The following RIMS4 variants were observed in gnomAD, a reference collection of about 807,000 sequenced individuals.
RIMS4 encodes the protein regulating synaptic membrane exocytosis protein 4.
A neutral mutation model predicts 29.0 loss-of-function variants in RIMS4; 9 were observed. The observed-to-expected ratio is 0.31, with a 90% CI of 0.19 to 0.54. The LOEUF (loss-of-function observed/expected upper bound fraction) is 0.54. Among genes scored for constraint, RIMS4 ranks in the 20% least tolerant of loss-of-function variants. The pLI, the probability that RIMS4 is intolerant of heterozygous loss-of-function variation, is 0.94. For synonymous variants in RIMS4, 130 were observed against 152.9 expected, an observed-to-expected ratio of 0.85 and a Z score of 1.10; for missense variants, 193 against 365.7, an observed-to-expected ratio of 0.53 and a Z score of 3.85.
intron 1 of RIMS4, among the ~76,000 whole-genome samples, chr20:44,797,199 C>G (rs571959574): frequency 6.6e-6 from 1 of 152,228 alleles, no homozygotes; most frequent in Non-Finnish European, 1.5e-5. Context: ...CTATGGGCCT[C>G]GGACTAAATC....
rs765255524 is a variant in RIMS4, at chr20:44,771,412, C to T, written c.99G>A (p.Gly33=). The part of the protein sequence containing the change: ...CMNSFDDEDA[G]DSRRLKGAIQ... The stretch of plus-strand genomic sequence containing the variant: ...TGGCCCCCTTCAGCCTCCGGCTGTC[C>T]CCTTCTGGGCAAAGCGGCCAAGAGA... The change falls in exon 2 of 6, where the codon GGG becomes GGA. Residue 33 remains glycine (G), a splice_region_variant and synonymous_variant. Transcript: ENST00000372851. 2.5e-6 allele frequency: 4 copies of T among 1,609,778 alleles called. No homozygotes were observed. Among genetic ancestry groups the T allele is most frequent in the Non-Finnish European group, 1.7e-6 (2 of 1,177,290 alleles).
intron 2 of RIMS4, among the ~76,000 whole-genome samples, chr20:44,764,005 T>C (rs2066097491): frequency 6.6e-6 from 1 of 151,086 alleles, no homozygotes; most frequent in Non-Finnish European, 1.5e-5. Flanking sequence ...CATCCATCCA[T>C]CCATTTATCC....
chr20:44,760,946 C>A (rs1206978230), intron 2 of RIMS4, among the ~76,000 whole-genome samples: 1 of 152,050 alleles, frequency 6.6e-6, no homozygotes, highest in Non-Finnish European at 1.5e-5. Context: ...GGCGGCAATA[C>A]AAAATAGTGT....
At chr20:44,765,456 G>C (rs891939734) in intron 2 of RIMS4, among the ~76,000 whole-genome samples, 3 of 152,136 alleles carry the variant, frequency 2.0e-5, no homozygotes, top group Non-Finnish European at 4.4e-5. Flanking sequence ...TGAGATAAAC[G>C]CCTTAGAACA....
At chr20:44,776,575 G>A (rs767475441) in intron 1 of RIMS4, among the ~76,000 whole-genome samples, 1 of 152,136 alleles carries the variant, frequency 6.6e-6, no homozygotes. Context: ...CAGGCACTCT[G>A]TACTTCAGTT....
In RIMS4 at chr20:44,770,904, T is replaced by C. The variant is rs569781997; in HGVS notation, c.236+371A>G. ...GCACTTAGTGCCAAACACTGCTTTA[T>C]GCTGTGTATAAATATCACCCCTGCA... On this transcript the variant is annotated intron_variant, in intron 2 of 5. Coordinates refer to ENST00000372851, the MANE Select transcript of RIMS4 (RefSeq NM_182970.4). 4.6e-5 allele frequency among the ~76,000 whole-genome samples: 7 copies of C among 152,374 alleles called. No individual in the cohort carries two copies. In the South Asian group the frequency reaches 1.4e-3, roughly 32 times the overall value.
intron 1 of RIMS4, among the ~76,000 whole-genome samples, chr20:44,790,714 C>T (rs779177818): frequency 2.0e-5 from 3 of 152,118 alleles, no homozygotes; most frequent in Non-Finnish European, 2.9e-5. Context: ...AGAAAGCAGC[C>T]GCTGCAGGAA....
chr20:44,762,979 G>A (rs1156561147), intron 2 of RIMS4, among the ~76,000 whole-genome samples: 1 of 152,212 alleles, frequency 6.6e-6, no homozygotes, highest in African/African-American at 2.4e-5. Context: ...GTTGGCCAGT[G>A]CCTGTGCTGT....
intron 1 of RIMS4, among the ~76,000 whole-genome samples, chr20:44,800,474 T>C (rs544165457): frequency 6.6e-6 from 1 of 152,132 alleles, no homozygotes; most frequent in Admixed American, 6.5e-5. Context: ...CCCCGGATAT[T>C]TTTCATGTGT....
At position 44,755,967 on chromosome 20, in the gene RIMS4, A is replaced by G; in HGVS notation, c.*167T>C. 1.7e-6 allele frequency: 1 copy of G among 598,332 alleles called. No homozygotes were observed. Among genetic ancestry groups the G allele is most frequent in the East Asian group, 2.8e-5 (1 of 36,354 alleles). The allele number at this position is 598,332 out of a possible 1,614,324, so 37.1% of individuals were successfully genotyped here. A position where few individuals can be genotyped will look rare whatever the true frequency, so the allele number is the denominator to read the frequency against. On this transcript the variant is annotated 3_prime_UTR_variant, in exon 6 of 6. Transcript: ENST00000372851. The stretch of plus-strand genomic sequence containing the variant: ...AGGGGAGGTCTCGGGGGTAGGAGGC[A>G]AAGAAGGGGTGAGGAGGGGCCCAAG...
chr20:44,801,970 C>T (rs1568907841), intron 1 of RIMS4, among the ~76,000 whole-genome samples: 1 of 152,154 alleles, frequency 6.6e-6, no homozygotes. Flanking sequence ...TGGATCAGTA[C>T]CATCCGAATC....
At chr20:44,803,771 T>G (rs1340852872) in intron 1 of RIMS4, among the ~76,000 whole-genome samples, 2 of 152,062 alleles carry the variant, frequency 1.3e-5, no homozygotes, top group Non-Finnish European at 2.9e-5. Flanking sequence ...GAGAGGCAGG[T>G]GATGGCTTGG....
Position 44,753,013 on chromosome 20 carries a change from C to T in RIMS4, c.*3121G>A, listed in dbSNP as rs938012045. 1.3e-5 allele frequency: 2 copies of T among 152,740 alleles called. No individual in the cohort carries two copies. Among genetic ancestry groups the T allele is most frequent in the Non-Finnish European group, 2.9e-5 (2 of 68,126 alleles). 9.5% of individuals were successfully genotyped at this position (152,740 alleles called of 1,614,324 possible). A position where few individuals can be genotyped will look rare whatever the true frequency, so the allele number is the denominator to read the frequency against. ...AGTAGGGCTGTGCAGCCCAGGGCTT[C>T]GAGGCCAGGAATCCTTGTCCCAGCA... On this transcript the variant is annotated 3_prime_UTR_variant, in exon 6 of 6. Transcript: ENST00000372851.
At chr20:44,770,693 G>A (rs922960859) in intron 2 of RIMS4, among the ~76,000 whole-genome samples, 6 of 152,162 alleles carry the variant, frequency 3.9e-5, no homozygotes, top group Admixed American at 2.6e-4. Context: ...AGAGGGAAAC[G>A]CTGGCAAGGA....
intron 1 of RIMS4, among the ~76,000 whole-genome samples, chr20:44,784,005 A>G (rs2066196835): frequency 6.6e-6 from 1 of 152,106 alleles, no homozygotes; most frequent in East Asian, 1.9e-4. Flanking sequence ...GCTTATATAA[A>G]TCTCCTTCCA....
At chr20:44,777,702 T>C (rs181475195) in intron 1 of RIMS4, among the ~76,000 whole-genome samples, 37 of 152,264 alleles carry the variant, frequency 2.4e-4, no homozygotes, top group Admixed American at 7.2e-4. Flanking sequence ...CACTTTGACA[T>C]TTTATTGAAG....
chr20:44,809,977 T>C (rs2066316227), intron 1 of RIMS4, among the ~76,000 whole-genome samples, 198 bp downstream of exon 1: 1 of 150,974 alleles, frequency 6.6e-6, no homozygotes, highest in African/African-American at 2.4e-5. Flanking sequence ...ATGCAGACAA[T>C]CTCGGGGTCC....
rs1011686195 is a variant in RIMS4, at chr20:44,754,832, G to A, written c.*1302C>T. 1.3e-5 allele frequency: 2 copies of A among 152,680 alleles called. No individual in the cohort carries two copies. Among genetic ancestry groups the A allele is most frequent in the African/African-American group, 4.8e-5 (2 of 41,436 alleles). 9.5% of individuals were successfully genotyped at this position (152,680 alleles called of 1,614,324 possible). ...ACCTGGACTACGCCCTACACAGCAG[G>A]GACTAGGTAAAGAGTGGCAGGCTTC... On this transcript the variant is annotated 3_prime_UTR_variant, in exon 6 of 6. Transcript: ENST00000372851.
intron 1 of RIMS4, among the ~76,000 whole-genome samples, chr20:44,794,277 T>G (rs2066245424): frequency 6.6e-6 from 1 of 152,120 alleles, no homozygotes; most frequent in Non-Finnish European, 1.5e-5. Context: ...CTTCTCTCGC[T>G]TTCTTCCCCA....
Sources: allele counts gnomAD v4.1 joint callset (sites outside exome capture counted in the v4.1 genomes callset), GRCh38; gene constraint gnomAD v4.1.1; transcripts MANE v1.5; gene names NCBI Gene and HGNC (gene_info 2026-07-23, HGNC 2026-07-21).